Variants in SLC5A11 observed in about 807,000 individuals in gnomAD.
The protein encoded by SLC5A11 is sodium/myo-inositol cotransporter 2.
In SLC5A11, 48 loss-of-function variants were observed where a neutral mutation model predicts 69.8. The ratio of observed to expected loss-of-function variants is 0.69; its 90% confidence interval spans 0.55 to 0.87. SLC5A11 has a LOEUF of 0.87. Ranked by LOEUF, SLC5A11 falls within the 40% of genes least tolerant of loss-of-function variation. The pLI is 0.00. For missense variants in SLC5A11, 784 were observed against 866.1 expected (o/e 0.91, Z 1.19); for synonymous variants, 319 against 342.4 (o/e 0.93, Z 0.75).
chr16:24,875,741 G>A lies in SLC5A11; in HGVS notation c.477+10G>A. The A allele has an allele frequency of 1.9e-6, 3 of 1,607,002 alleles. No individual in the cohort carries two copies. Among genetic ancestry groups the A allele is most frequent in the Non-Finnish European group, 2.6e-6 (3 of 1,174,484 alleles). Reference sequence around the variant, plus strand: ...CTTCACCAAGATCTCGGTAAGGCAGGGACACAGCCTGGCCTCACCCATGCA... The same window carrying A: ...CTTCACCAAGATCTCGGTAAGGCAGAGACACAGCCTGGCCTCACCCATGCA... On this transcript the variant is annotated intron_variant, in intron 6 of 15. Transcript: ENST00000347898.
Position 24,884,129 on chromosome 16 carries a change from A to G in SLC5A11, c.662A>G (p.Tyr221Cys). ...ATAGGAGCGCTCACCTTGATGGGCT[A>G]CAGTAAGTGGGGTCCCCGGGTCACT... The change falls in exon 8 of 16, where the codon TAC (tyrosine) becomes TGC (cysteine). Residue 221 changes from tyrosine (Y) to cysteine (C), a missense_variant and splice_region_variant. Transcript: ENST00000347898. 1.9e-6 allele frequency: 3 copies of G among 1,614,040 alleles called. No homozygotes were observed. In the South Asian group the frequency reaches 3.3e-5, roughly 18 times the overall value.
intron 10 of SLC5A11, among the ~76,000 whole-genome samples, chr16:24,902,330 A>G (rs12935788): frequency 0.025 from 3,716 of 148,442 alleles, 76 homozygotes; most frequent in Middle Eastern, 0.062. Context: ...GTTAAGGGGG[A>G]AAAAAAAAAG....
chr16:24,908,861 A>T lies in SLC5A11; in HGVS notation c.1435-20A>T. 1.9e-6 allele frequency: 3 copies of T among 1,609,646 alleles called. No homozygotes were observed. In the Admixed American group the frequency reaches 5.0e-5, roughly 27 times the overall value. On this transcript the variant is annotated intron_variant, in intron 13 of 15. Coordinates refer to ENST00000347898, the Ensembl canonical transcript of SLC5A11. The stretch of plus-strand genomic sequence containing the variant: ...CAGAGCCCTTGGCGTCTCTAAGATG[A>T]TCTTGCTCTGATTTTGCAGGGTGCC...
At chr16:24,891,590 CTGGG>C (rs2048814916) in intron 9 of SLC5A11, among the ~76,000 whole-genome samples, 1 of 152,076 alleles carries the variant, frequency 6.6e-6, no homozygotes, top group Admixed American at 6.6e-5. Flanking sequence ...TCCCAAAGTG[CTGGG>C]ATTATAGGTG....
chr16:24,899,716 T>C (rs2049442939), intron 10 of SLC5A11, among the ~76,000 whole-genome samples: 1 of 147,982 alleles, frequency 6.8e-6, no homozygotes, highest in Admixed American at 6.6e-5. Context: ...GTACTTTTTC[T>C]TTTTTTTAGG....
intron 9 of SLC5A11, among the ~76,000 whole-genome samples, chr16:24,894,426 T>C (rs1159135589): frequency 1.3e-5 from 2 of 152,214 alleles, no homozygotes; most frequent in Admixed American, 6.5e-5. Flanking sequence ...TAGCTAATCA[T>C]GGCCCCTCCT....
intron 4 of SLC5A11, 37 bp downstream of exon 5, chr16:24,870,042 C>A (rs748583246): frequency 7.1e-7 from 1 of 1,401,000 alleles, no homozygotes; most frequent in East Asian, 2.3e-5. Flanking sequence ...GACATCTTAC[C>A]TCTACCTAAC....
intron 2 of SLC5A11, 80 bp downstream of exon 3, chr16:24,858,858 T>C: frequency 6.7e-7 from 1 of 1,489,760 alleles, no homozygotes; most frequent in Non-Finnish European, 9.0e-7. Flanking sequence ...CCTCATCCTT[T>C]TGGAGCTAAG....
chr16:24,900,426 T>C (rs1324275390), intron 10 of SLC5A11, among the ~76,000 whole-genome samples: 1 of 152,150 alleles, frequency 6.6e-6, no homozygotes, highest in Admixed American at 6.6e-5. Context: ...GCACTGTCCA[T>C]GGTGCTAGAC....
chr16:24,908,319 GC>G (rs1193914427), intron 13 of SLC5A11, among the ~76,000 whole-genome samples, 188 bp downstream of exon 14: 6 of 152,018 alleles, frequency 3.9e-5, no homozygotes, highest in Non-Finnish European at 7.4e-5. Context: ...CAATGAGAGG[GC>G]TGCTGCGATG....
chr16:24,851,378 T>C (rs1382751288), intron 1 of SLC5A11, among the ~76,000 whole-genome samples: 1 of 151,346 alleles, frequency 6.6e-6, no homozygotes, highest in Non-Finnish European at 1.5e-5. Flanking sequence ...AAAAAAAAAT[T>C]AGCCGGACGT....
At chr16:24,861,545 AAAAT>A (rs1291366302) in intron 2 of SLC5A11, among the ~76,000 whole-genome samples, 3 of 151,270 alleles carry the variant, frequency 2.0e-5, no homozygotes, top group African/African-American at 4.9e-5. Flanking sequence ...AAAAGAAAGA[AAAAT>A]AAAAGAAAAG....
intron 10 of SLC5A11, among the ~76,000 whole-genome samples, chr16:24,906,263 C>T (rs1222191127): frequency 6.6e-6 from 1 of 151,494 alleles, no homozygotes; most frequent in Non-Finnish European, 1.5e-5. Flanking sequence ...ATCACTTGAA[C>T]CTGGGAAGCA....
intron 3 of SLC5A11, among the ~76,000 whole-genome samples, chr16:24,864,860 TAAC>T (rs750192463): frequency 1.1e-4 from 17 of 151,688 alleles, no homozygotes; most frequent in East Asian, 9.7e-4. Flanking sequence ...ATAAGTGAAA[TAAC>T]ATACTCACTA....
chr16:24,875,832 C>A, intron 6 of SLC5A11, 101 bp downstream of exon 7: 4 of 935,612 alleles, frequency 4.3e-6, no homozygotes, highest in South Asian at 1.5e-5. Context: ...CCTTTCTCCT[C>A]GTCTTTCATA....
At chr16:24,862,724 C>A in intron 3 of SLC5A11, 52 bp downstream of exon 4, 1 of 1,519,352 alleles carries the variant, frequency 6.6e-7, no homozygotes, top group Non-Finnish European at 9.1e-7. Flanking sequence ...TCTTCAAGTG[C>A]TGGGATTCTG....
intron 3 of SLC5A11, among the ~76,000 whole-genome samples, chr16:24,865,278 C>T (rs548669327): frequency 6.6e-6 from 1 of 152,214 alleles, no homozygotes; most frequent in East Asian, 1.9e-4. Flanking sequence ...AGGAAGTCTT[C>T]GGCTGGGCAC....
intron 3 of SLC5A11, among the ~76,000 whole-genome samples, chr16:24,862,954 T>TA (rs2046675999): frequency 2.8e-5 from 4 of 140,664 alleles, no homozygotes; most frequent in Non-Finnish European, 6.1e-5. Context: ...ATATAACATA[T>TA]AATTATATAT....
intron 8 of SLC5A11, among the ~76,000 whole-genome samples, chr16:24,888,812 T>TC (rs2048574451): frequency 1.5e-5 from 2 of 129,622 alleles, no homozygotes; most frequent in African/African-American, 6.6e-5. Context: ...TTTTTTTTTT[T>TC]CTGAGACGGA....
Sources: allele counts gnomAD v4.1 joint callset (sites outside exome capture counted in the v4.1 genomes callset), GRCh38; gene constraint gnomAD v4.1.1; transcripts MANE v1.5; gene names NCBI Gene and HGNC (gene_info 2026-07-23, HGNC 2026-07-21).